EPHA5: variants seen among roughly 807,000 people sequenced by gnomAD.
The protein encoded by EPHA5 is EPH receptor A5, also known as ephrin type-A receptor 5.
A neutral mutation model predicts 105.0 loss-of-function variants in EPHA5; 60 were observed. The observed-to-expected ratio is 0.57, with a 90% CI of 0.46 to 0.71. The LOEUF (loss-of-function observed/expected upper bound fraction) is 0.71. Among genes scored for constraint, EPHA5 ranks in the 30% least tolerant of loss-of-function variants. The probability of loss-of-function intolerance (pLI) is 0.00; values close to 1 mark genes in which losing one functional copy is unlikely to be tolerated. For synonymous variants in EPHA5, 513 were observed against 449.1 expected, an observed-to-expected ratio of 1.14 and a Z score of -1.80; for missense variants, 1,218 against 1,274.7, an observed-to-expected ratio of 0.96 and a Z score of 0.68.
At chr4:65,460,568 G>T (rs938760961) in intron 5 of EPHA5, among the ~76,000 whole-genome samples, 2 of 151,204 alleles carry the variant, frequency 1.3e-5, no homozygotes, top group Non-Finnish European at 3.0e-5. Context: ...AAGTAAAAAA[G>T]TCAAAAGTAT....
At chr4:65,335,128 T>C (rs1239156848) in intron 15 of EPHA5, among the ~76,000 whole-genome samples, 1 of 152,018 alleles carries the variant, frequency 6.6e-6, no homozygotes, top group East Asian at 1.9e-4. Context: ...TCCATGCTAA[T>C]AGGCAGCCAA....
chr4:65,518,906 T>C lies in EPHA5; in HGVS notation c.911-23363A>G, dbSNP rs757170473. Among the ~76,000 whole-genome samples, 9 of 152,200 alleles carry C rather than the reference T, an allele frequency of 5.9e-5. No individual in the cohort carries two copies. The South Asian group carries it at 8.3e-4, about 14-fold the overall frequency. ...GAGGTACGAGGAGGAGCTGGTATCA[T>C]TCCTTCTGAAACTATTCCAACCAAT... On this transcript the variant is annotated intron_variant, in intron 3 of 16. Transcript: ENST00000613740.
At chr4:65,667,618 C>A (rs1248697716) in intron 1 of EPHA5, among the ~76,000 whole-genome samples, 2 of 152,170 alleles carry the variant, frequency 1.3e-5, no homozygotes, top group Non-Finnish European at 2.9e-5. Flanking sequence ...CTGCCTTCAA[C>A]ACCTTAGGAG....
chr4:65,417,717 T>C (rs1578068522), intron 6 of EPHA5, among the ~76,000 whole-genome samples: 1 of 151,912 alleles, frequency 6.6e-6, no homozygotes, highest in South Asian at 2.1e-4. Flanking sequence ...CTGAGATAAA[T>C]GTAACTCAAA....
Position 65,365,011 on chromosome 4 carries a change from A to G in EPHA5, c.2173+6T>C, listed in dbSNP as rs2148887670. The G allele has an allele frequency of 1.9e-6, 3 of 1,609,670 alleles. No individual in the cohort carries two copies. Among genetic ancestry groups the G allele is most frequent in the Non-Finnish European group, 2.5e-6 (3 of 1,177,132 alleles). On this transcript the variant is annotated splice_donor_region_variant and intron_variant, in intron 11 of 16. Transcript: ENST00000613740. Reference sequence around the variant, plus strand: ...ACACACATGTATAATTTGCCATCATACTTACTTTTGGTCACCACACCTTCT... The same window carrying G: ...ACACACATGTATAATTTGCCATCATGCTTACTTTTGGTCACCACACCTTCT...
At chr4:65,370,473 A>C (rs17086125) in intron 8 of EPHA5, among the ~76,000 whole-genome samples, 6,053 of 152,254 alleles carry the variant, frequency 0.04, 196 homozygotes, top group African/African-American at 0.079. Flanking sequence ...AATTCTACAG[A>C]GACCTGAAAG....
chr4:65,400,015 G>C (rs904877747), intron 8 of EPHA5, among the ~76,000 whole-genome samples: 33 of 151,884 alleles, frequency 2.2e-4, no homozygotes, highest in African/African-American at 7.7e-4. Flanking sequence ...TAAGGACACA[G>C]ATAAATAAAA....
chr4:65,386,696 T>C (rs13135279), intron 8 of EPHA5, among the ~76,000 whole-genome samples: 3 of 151,922 alleles, frequency 2.0e-5, no homozygotes, highest in Non-Finnish European at 4.4e-5. Context: ...TTTTATATTG[T>C]TATGTTAAGT....
At chr4:65,663,567 T>C (rs1244895569) in intron 1 of EPHA5, among the ~76,000 whole-genome samples, 2 of 152,110 alleles carry the variant, frequency 1.3e-5, no homozygotes, top group Non-Finnish European at 1.5e-5. Context: ...CTTCTGTTTA[T>C]TTTTCTTTGC....
At position 65,490,554 on chromosome 4, in the gene EPHA5, C is replaced by G. The variant is rs776788978; in HGVS notation, c.1225G>C (p.Gly409Arg). The change falls in exon 5 of 17, where the codon GGC (glycine) becomes CGC (arginine). Residue 409 changes from glycine to arginine, a missense_variant. Gly to Arg is a moderately radical substitution (Grantham distance 125). This residue lies in a region of EPHA5 where 971 missense variants were observed against 1,013.5 expected (regional missense o/e 0.96). Transcript: ENST00000613740. ...NSHAGVCEEC[G>R]GHVRYLPRQS... ...CGGGGAAGGTACCTGACATGACCGCCACACTCCTCACACACACCTGCATGG... is the reference window on the plus strand; with the variant it reads ...CGGGGAAGGTACCTGACATGACCGCGACACTCCTCACACACACCTGCATGG... 4.3e-6 allele frequency: 7 copies of G among 1,613,982 alleles called. No individual in the cohort carries two copies. The African/African-American group carries it at 9.3e-5, about 22-fold the overall frequency.
At chr4:65,618,699 G>C (rs1217299292) in intron 2 of EPHA5, among the ~76,000 whole-genome samples, 1 of 152,098 alleles carries the variant, frequency 6.6e-6, no homozygotes, top group Non-Finnish European at 1.5e-5. Context: ...CTTATATCTG[G>C]TGACAAAGTA....
At chr4:65,367,331 A>AT in intron 9 of EPHA5, 26 bp downstream of exon 9, 5 of 1,582,634 alleles carry the variant, frequency 3.2e-6, no homozygotes, top group Non-Finnish European at 3.5e-6. Context: ...ATTTTATTCT[A>AT]TTTTTATTTT....
chr4:65,511,448 A>G (rs1451740856), intron 3 of EPHA5, among the ~76,000 whole-genome samples: 4 of 152,192 alleles, frequency 2.6e-5, no homozygotes, highest in Non-Finnish European at 5.9e-5. Flanking sequence ...AAATATATGT[A>G]TAGTAATGGT....
intron 11 of EPHA5, among the ~76,000 whole-genome samples, chr4:65,357,072 A>G (rs1723369087): frequency 6.6e-6 from 1 of 151,498 alleles, no homozygotes; most frequent in Non-Finnish European, 1.5e-5. Flanking sequence ...CTGAAGGCCC[A>G]GCCCAGGGAG....
chr4:65,506,184 CT>C (rs1467122829), intron 3 of EPHA5, among the ~76,000 whole-genome samples: 3 of 152,102 alleles, frequency 2.0e-5, no homozygotes, highest in African/African-American at 7.2e-5. Flanking sequence ...TGAACTCATC[CT>C]TTTTTATGGC....
chr4:65,585,142 GTGTC>G (rs974151206), intron 3 of EPHA5, among the ~76,000 whole-genome samples: 3 of 151,540 alleles, frequency 2.0e-5, no homozygotes, highest in African/African-American at 7.3e-5. Flanking sequence ...GTGTGTGTGT[GTGTC>G]TGTGTCCAGA....
intron 3 of EPHA5, among the ~76,000 whole-genome samples, chr4:65,583,041 A>G (rs923020786): frequency 6.6e-6 from 1 of 151,596 alleles, no homozygotes. Flanking sequence ...AATTTTAGGC[A>G]ATAGGTATGT....
At chr4:65,476,161 A>C (rs1194210540) in intron 5 of EPHA5, among the ~76,000 whole-genome samples, 1 of 112,402 alleles carries the variant, frequency 8.9e-6, no homozygotes, top group Non-Finnish European at 1.9e-5. Context: ...TGTGTGTGTT[A>C]AAATATGCAG....
chr4:65,388,850 T>A (rs978926888), intron 8 of EPHA5, among the ~76,000 whole-genome samples: 1 of 151,818 alleles, frequency 6.6e-6, no homozygotes, highest in Non-Finnish European at 1.5e-5. Flanking sequence ...TGGCTTTTGT[T>A]GCCATTGCTT....
Sources: allele counts gnomAD v4.1 joint callset (sites outside exome capture counted in the v4.1 genomes callset), GRCh38; gene constraint gnomAD v4.1.1; regional missense constraint gnomAD v4.1.1; transcripts MANE v1.5; gene names NCBI Gene and HGNC (gene_info 2026-07-23, HGNC 2026-07-21).